Variants in ZFYVE9 observed in about 807,000 individuals in gnomAD.
ZFYVE9 encodes zinc finger FYVE domain-containing protein 9.
A neutral mutation model predicts 126.7 loss-of-function variants in ZFYVE9; 43 were observed. That is an observed-to-expected ratio of 0.34 (90% CI 0.27 to 0.44). ZFYVE9 has a LOEUF of 0.44. ZFYVE9 is among the 20% of genes least tolerant of loss of function. The probability of loss-of-function intolerance (pLI) is 1.00; values close to 1 mark genes in which losing one functional copy is unlikely to be tolerated. For missense variants in ZFYVE9, 1,476 were observed against 1,697.0 expected, an observed-to-expected ratio of 0.87 and a Z score of 2.29; for synonymous variants, 521 against 597.4, an observed-to-expected ratio of 0.87 and a Z score of 1.87.
intron 4 of ZFYVE9, among the ~76,000 whole-genome samples, chr1:52,247,764 T>C (rs1242384940): frequency 2.6e-5 from 4 of 152,200 alleles, no homozygotes; most frequent in African/African-American, 7.2e-5. Context: ...CCTAAAGTGC[T>C]GGGATTACAG....
intron 1 of ZFYVE9, among the ~76,000 whole-genome samples, chr1:52,152,133 G>C (rs1336248665): frequency 6.6e-6 from 1 of 151,960 alleles, no homozygotes; most frequent in Non-Finnish European, 1.5e-5. Flanking sequence ...GGGATTACAG[G>C]CATGCACCAC....
At chr1:52,179,377 G>T (rs919734011) in intron 1 of ZFYVE9, among the ~76,000 whole-genome samples, 1 of 151,932 alleles carries the variant, frequency 6.6e-6, no homozygotes, top group African/African-American at 2.4e-5. Flanking sequence ...GCTCATGCCT[G>T]TAATTCCAGC....
At position 52,181,044 on chromosome 1, in the gene ZFYVE9, GTCCCTC is replaced by G. The variant is rs372738053; in HGVS notation, c.-142-35300_-142-35295del. Among the ~76,000 whole-genome samples, 359 of 148,270 alleles carry G rather than the reference GTCCCTC, an allele frequency of 2.4e-3. 1 individual carries two copies. Among genetic ancestry groups the G allele is most frequent in the South Asian group, 6.0e-3 (28 of 4,678 alleles). ...AATTCTGTTAAATATTTTGGAACTC[GTCCCTC>G]TCCCTCTCCCTCTCCCTCTCCCTCA... On this transcript the variant is annotated intron_variant, in intron 1 of 18. Coordinates refer to ENST00000287727, the MANE Select transcript of ZFYVE9 (RefSeq NM_004799.4).
intron 13 of ZFYVE9, among the ~76,000 whole-genome samples, chr1:52,308,685 T>C (rs2753399): frequency 0.75 from 114,749 of 152,160 alleles, 44,822 homozygotes; most frequent in East Asian, 0.99. Context: ...CAGGTGTCAC[T>C]GTAAATGACA....
chr1:52,345,260 A>C (rs1249087949), intron 18 of ZFYVE9, among the ~76,000 whole-genome samples: 1 of 151,920 alleles, frequency 6.6e-6, no homozygotes, highest in Middle Eastern at 3.2e-3. Context: ...AAATTGCCAG[A>C]CCTCTCTGTT....
chr1:52,217,020 T>C (rs1645077845), intron 2 of ZFYVE9, among the ~76,000 whole-genome samples: 1 of 152,196 alleles, frequency 6.6e-6, no homozygotes, highest in African/African-American at 2.4e-5. Context: ...CCCCAATATC[T>C]GTGTTGGAAA....
At chr1:52,187,048 A>G (rs972484095) in intron 1 of ZFYVE9, among the ~76,000 whole-genome samples, 12 of 152,222 alleles carry the variant, frequency 7.9e-5, no homozygotes, top group Non-Finnish European at 1.2e-4. Flanking sequence ...TGGAGGCATC[A>G]TATTACCCCA....
At chr1:52,299,905 T>A (rs1212795296) in intron 12 of ZFYVE9, among the ~76,000 whole-genome samples, 4 of 152,226 alleles carry the variant, frequency 2.6e-5, no homozygotes, top group Non-Finnish European at 4.4e-5. Flanking sequence ...AGTGTAGTCC[T>A]GTGAACTGCA....
chr1:52,155,578 A>C (rs12079137), intron 1 of ZFYVE9, among the ~76,000 whole-genome samples: 1 of 152,096 alleles, frequency 6.6e-6, no homozygotes, highest in African/African-American at 2.4e-5. Flanking sequence ...GCAGAACTCT[A>C]GGGGCCTGCA....
chr1:52,258,580 T>C (rs545206067), intron 4 of ZFYVE9, among the ~76,000 whole-genome samples: 1 of 152,338 alleles, frequency 6.6e-6, no homozygotes, highest in East Asian at 1.9e-4. Flanking sequence ...TTCATCTTGA[T>C]CTTTTTAGGC....
At chr1:52,244,904 T>G (rs1470419633) in intron 4 of ZFYVE9, among the ~76,000 whole-genome samples, 1 of 152,200 alleles carries the variant, frequency 6.6e-6, no homozygotes, top group East Asian at 1.9e-4. Flanking sequence ...ATGCCTGTAA[T>G]CTCAGCACTT....
intron 13 of ZFYVE9, among the ~76,000 whole-genome samples, chr1:52,323,479 C>G (rs992906070): frequency 1.3e-5 from 2 of 152,200 alleles, no homozygotes; most frequent in African/African-American, 2.4e-5. Flanking sequence ...TTGTCTACTA[C>G]TGAATAAAGC....
At chr1:52,280,489 T>C (rs191313475) in intron 9 of ZFYVE9, among the ~76,000 whole-genome samples, 187 of 152,334 alleles carry the variant, frequency 1.2e-3, no homozygotes, top group African/African-American at 4.2e-3. Flanking sequence ...TAAAGATGTC[T>C]TTGTTTTTTT....
intron 17 of ZFYVE9, among the ~76,000 whole-genome samples, chr1:52,342,426 C>T (rs1041147937): frequency 4.6e-5 from 7 of 151,710 alleles, no homozygotes; most frequent in Non-Finnish European, 5.9e-5. Flanking sequence ...CTACCACGCC[C>T]GACTAATTTT....
chr1:52,280,339 C>T (rs1428420915), intron 9 of ZFYVE9, among the ~76,000 whole-genome samples: 1 of 148,252 alleles, frequency 6.7e-6, no homozygotes. Flanking sequence ...GAGATCATGA[C>T]ACTGCACTCC....
rs1644317806 is a variant in ZFYVE9 at position 52,147,724 on chromosome 1, T to G, written c.-143+5321T>G. Among the ~76,000 whole-genome samples, 4 of 152,228 alleles carry G rather than the reference T, an allele frequency of 2.6e-5. No individual in the cohort carries two copies. The South Asian group carries it at 8.3e-4, about 31-fold the overall frequency. On this transcript the variant is annotated intron_variant, in intron 1 of 18. Transcript: ENST00000287727. Reference sequence around the variant, plus strand: ...ATATGCTTTCATTTCTCTTGGGTATTTATAGGGATGGAATTGCTGGGCCAA... The same window carrying G: ...ATATGCTTTCATTTCTCTTGGGTATGTATAGGGATGGAATTGCTGGGCCAA...
chr1:52,157,318 C>T (rs1476536714), intron 1 of ZFYVE9, among the ~76,000 whole-genome samples: 1 of 149,800 alleles, frequency 6.7e-6, no homozygotes, highest in Non-Finnish European at 1.5e-5. Flanking sequence ...CAATTCTGGC[C>T]TTGTTTTGAT....
At chr1:52,180,330 A>C in intron 1 of ZFYVE9, 2 of 1,574,082 alleles carry the variant, frequency 1.3e-6, no homozygotes, top group South Asian at 2.2e-5. Flanking sequence ...TCTGCCCATG[A>C]TATTTGTTTA....
chr1:52,309,647 G>A (rs574074358), intron 13 of ZFYVE9, among the ~76,000 whole-genome samples: 1 of 152,184 alleles, frequency 6.6e-6, no homozygotes, highest in Non-Finnish European at 1.5e-5. Flanking sequence ...TGTGGGATGT[G>A]AGGTTGTACT....
Sources: gnomAD v4.1 joint callset for allele counts (sites outside exome capture counted in the v4.1 genomes callset) on GRCh38, gnomAD v4.1.1 for gene constraint, MANE v1.5 for transcripts, NCBI Gene and HGNC (gene_info 2026-07-23, HGNC 2026-07-21) for gene names.